The following KIF13A variants were observed in gnomAD, a reference collection of about 807,000 sequenced individuals.
The protein encoded by KIF13A is kinesin family member 13A.
KIF13A carries 79 observed loss-of-function variants against 212.2 expected under a neutral mutation model. The ratio of observed to expected loss-of-function variants is 0.37; its 90% CI spans 0.31 to 0.45. KIF13A has a LOEUF of 0.45. KIF13A is among the 20% of genes least tolerant of loss of function. KIF13A has a pLI of 1.00. For missense variants in KIF13A, 1,901 were observed against 2,209.0 expected (o/e 0.86, Z 2.79); for synonymous variants, 789 against 808.6 (o/e 0.98, Z 0.41).
rs1435615603 is a variant in KIF13A, at chr6:17,804,404, A to C, written c.2411T>G (p.Val804Gly). The C allele has an allele frequency of 6.4e-7, 1 of 1,555,652 alleles. No individual in the cohort carries two copies. The highest frequency in any genetic ancestry group is 1.4e-5 in the African/African-American group (1 of 73,260). Residue 804 changes from valine (V) to glycine (G), a missense_variant, in exon 20 of 39, where the codon GTG (valine) becomes GGG (glycine). By Grantham distance (109) the Val-to-Gly change is moderately radical. Transcript: ENST00000259711. ...GATAGGGACTGCATACTGAAGTTTCACATCACAGAAGAGGCATTCCAAGAA... is the reference window on the plus strand; with the variant it reads ...GATAGGGACTGCATACTGAAGTTTCCCATCACAGAAGAGGCATTCCAAGAA... ...NVFLECLFCDVKLQYAVPIIS... is the reference protein window; with the variant it reads ...NVFLECLFCDGKLQYAVPIIS...
chr6:17,866,937 T>C (rs1283427453), intron 4 of KIF13A, among the ~76,000 whole-genome samples: 2 of 150,176 alleles, frequency 1.3e-5, no homozygotes, highest in East Asian at 3.9e-4. Flanking sequence ...AGCTCATTTA[T>C]TTTTTAACAT....
intron 3 of KIF13A, among the ~76,000 whole-genome samples, chr6:17,884,573 T>C (rs1771371137): frequency 1.3e-5 from 2 of 151,746 alleles, no homozygotes; most frequent in Non-Finnish European, 2.9e-5. Context: ...TGTGTGGGAG[T>C]TGCTACAGAC....
At chr6:17,896,822 G>T (rs187867379) in intron 3 of KIF13A, among the ~76,000 whole-genome samples, 49 of 152,114 alleles carry the variant, frequency 3.2e-4, no homozygotes, top group Non-Finnish European at 5.9e-4. Context: ...GTGGAGTTGC[G>T]CAGTATTTCA....
chr6:17,893,743 G>A (rs996589359), intron 3 of KIF13A, among the ~76,000 whole-genome samples: 1 of 151,488 alleles, frequency 6.6e-6, no homozygotes, highest in Non-Finnish European at 1.5e-5. Context: ...ATCATATTGA[G>A]GTTTCTGTCT....
intron 17 of KIF13A, among the ~76,000 whole-genome samples, chr6:17,813,464 G>C (rs1052367269): frequency 6.6e-6 from 1 of 152,074 alleles, no homozygotes; most frequent in African/African-American, 2.4e-5. Flanking sequence ...TTGCACTCTA[G>C]CCTGGGCAAG....
chr6:17,846,718 C>G (rs1767105226), intron 9 of KIF13A, among the ~76,000 whole-genome samples: 1 of 151,818 alleles, frequency 6.6e-6, no homozygotes, highest in East Asian at 1.9e-4. Context: ...TGATCTAAAT[C>G]ACGTAATCAC....
In KIF13A at chr6:17,783,222, G is replaced by C. The variant is rs893452798; in HGVS notation, c.3544+424C>G. 6.6e-6 allele frequency among the ~76,000 whole-genome samples: 1 copy of C among 152,190 alleles called. No individual in the cohort carries two copies. The highest frequency in any genetic ancestry group is 2.1e-4 in the South Asian group (1 of 4,830). On this transcript the variant is annotated intron_variant, in intron 29 of 38. Transcript: ENST00000259711. The surrounding 1 kb of genome is among the most constrained non-coding windows in gnomAD (Gnocchi z 4.3). ...GAAACCATTGTTCTAGACTTGCCCA[G>C]GTTCCATCTAATTGCAATATGAAGG...
rs1027272268 is a variant in KIF13A at position 17,768,565 on chromosome 6, A to G, written c.4581+2549T>C. ...ACTGAGGAGTGAGCCCTTTATCTGAAGAGCAGCTGCAGGGCATACTGGAAT... is the reference window on the plus strand; with the variant it reads ...ACTGAGGAGTGAGCCCTTTATCTGAGGAGCAGCTGCAGGGCATACTGGAAT... On this transcript the variant is annotated intron_variant, in intron 38 of 38. Transcript: ENST00000259711. The surrounding 1 kb of genome is among the most constrained non-coding windows in gnomAD (Gnocchi z 5.4). 2.0e-5 allele frequency among the ~76,000 whole-genome samples: 3 copies of G among 152,180 alleles called. No homozygotes were observed. The highest frequency in any genetic ancestry group is 1.9e-4 in the East Asian group (1 of 5,190).
intron 22 of KIF13A, among the ~76,000 whole-genome samples, chr6:17,797,634 G>A (rs557779982): frequency 1.0e-4 from 15 of 150,206 alleles, no homozygotes; most frequent in South Asian, 6.3e-4. Flanking sequence ...GGTGACTCAC[G>A]TCTGTAATGC....
At chr6:17,964,417 T>C (rs1349580335) in intron 2 of KIF13A, among the ~76,000 whole-genome samples, 4 of 152,176 alleles carry the variant, frequency 2.6e-5, no homozygotes, top group African/African-American at 7.2e-5. Context: ...ATCAAGTAAT[T>C]GTACTTTATT....
intron 25 of KIF13A, among the ~76,000 whole-genome samples, chr6:17,790,858 A>G (rs747362571): frequency 2.6e-4 from 39 of 152,238 alleles, no homozygotes; most frequent in Non-Finnish European, 4.9e-4. Context: ...TCTATTGACC[A>G]TAACAATCAC....
At chr6:17,760,763 G>T, downstream of KIF13A, 1 of 1,305,978 alleles carries the variant, frequency 7.7e-7, no homozygotes, top group Non-Finnish European at 1.1e-6. Flanking sequence ...CAGCCAGGCG[G>T]CAGCATGTTT....
At chr6:17,845,766 A>G (rs762630458) in intron 9 of KIF13A, among the ~76,000 whole-genome samples, 1 of 152,218 alleles carries the variant, frequency 6.6e-6, no homozygotes, top group Non-Finnish European at 1.5e-5. Flanking sequence ...CAGATGACCT[A>G]TACCTCCTAA....
intron 2 of KIF13A, among the ~76,000 whole-genome samples, chr6:17,948,305 T>C (rs542484361): frequency 6.6e-6 from 1 of 152,298 alleles, no homozygotes; most frequent in South Asian, 2.1e-4. Context: ...TGGTTTTACA[T>C]GGCACCAAAA....
rs1380246429 is a variant in KIF13A at position 17,919,307 on chromosome 6, C to A, written c.147-21127G>T. ...CTCTTCAACAATTACCAATACATGG[C>A]CAGTCTTGCACAGGTAAAGTACTAT... On this transcript the variant is annotated intron_variant, in intron 2 of 38. Coordinates refer to ENST00000259711, the MANE Select transcript of KIF13A (RefSeq NM_022113.6). The surrounding 1 kb of genome is among the most constrained non-coding windows in gnomAD (Gnocchi z 4.1). Among the ~76,000 whole-genome samples the A allele has an allele frequency of 6.6e-6, 1 of 152,146 alleles. No homozygotes were observed. The highest frequency in any genetic ancestry group is 1.5e-5 in the Non-Finnish European group (1 of 68,032).
rs1179463361 is a variant in KIF13A at position 17,768,490 on chromosome 6, CTGTT to C, written c.4581+2620_4581+2623del. Among the ~76,000 whole-genome samples the C allele has an allele frequency of 6.6e-6, 1 of 152,208 alleles. No individual in the cohort carries two copies. Among genetic ancestry groups the C allele is most frequent in the Non-Finnish European group, 1.5e-5 (1 of 68,040 alleles). On this transcript the variant is annotated intron_variant, in intron 38 of 38. Transcript: ENST00000259711. The surrounding 1 kb of genome is among the most constrained non-coding windows in gnomAD (Gnocchi z 5.4). ...ATGTCGTGCTGTTCACCAGAGATCT[CTGTT>C]TGCAGAACTGCACCAGCCAAGGGCT...
At chr6:17,893,833 T>A in intron 3 of KIF13A, among the ~76,000 whole-genome samples, 2 of 10,494 alleles carry the variant, frequency 1.9e-4, no homozygotes, top group African/African-American at 3.0e-4. Flanking sequence ...TTCCTGCATC[T>A]TTTTTTTTTT....
intron 3 of KIF13A, chr6:17,881,617 A>C (rs1015027826): frequency 2.8e-6 from 1 of 358,382 alleles, no homozygotes; most frequent in African/African-American, 2.1e-5. Flanking sequence ...GAATCACTTG[A>C]ACTCAGGAAG....
Position 17,772,731 on chromosome 6 carries a change from T to C in KIF13A, c.4325-672A>G, listed in dbSNP as rs1022214519. ...TCATTTTCTGTGTATCTTATTTCCA[T>C]AGTTATAAGACAGAAAGTAGAGGCT... On this transcript the variant is annotated intron_variant, in intron 36 of 38. Coordinates refer to ENST00000259711, the MANE Select transcript of KIF13A (RefSeq NM_022113.6). This position sits in a 1 kb window ranked among gnomAD's most constrained non-coding sequence, Gnocchi z 4.8. 6.6e-6 allele frequency among the ~76,000 whole-genome samples: 1 copy of C among 152,250 alleles called. No individual in the cohort carries two copies. Among genetic ancestry groups the C allele is most frequent in the Non-Finnish European group, 1.5e-5 (1 of 68,034 alleles).
Sources: allele counts gnomAD v4.1 joint callset (sites outside exome capture counted in the v4.1 genomes callset), GRCh38; gene constraint gnomAD v4.1.1; non-coding constraint Gnocchi (gnomAD v3.1); transcripts MANE v1.5; gene names NCBI Gene and HGNC (gene_info 2026-07-23, HGNC 2026-07-21).